Variants in FAM178B observed in about 807,000 individuals in gnomAD.
FAM178B encodes the protein family with sequence similarity 178 member B, also known as protein FAM178B.
FAM178B carries 82 observed loss-of-function variants against 91.7 expected under a neutral mutation model. That is an observed-to-expected ratio of 0.89 (90% CI 0.75 to 1.07). The LOEUF (loss-of-function observed/expected upper bound fraction) is 1.07, where lower values mean the gene tolerates loss of function less well. FAM178B is among the 50% of genes least tolerant of loss of function. FAM178B has a pLI of 0.00. For missense variants in FAM178B, 769 were observed against 846.7 expected, an observed-to-expected ratio of 0.91 and a Z score of 1.14; for synonymous variants, 368 against 359.4, an observed-to-expected ratio of 1.02 and a Z score of -0.27.
chr2:96,942,778 G>C (rs561212184), intron 8 of FAM178B, among the ~76,000 whole-genome samples: 3 of 152,278 alleles, frequency 2.0e-5, no homozygotes, highest in African/African-American at 7.2e-5. Flanking sequence ...AACAAATTTA[G>C]AGTACTAGCA....
intron 6 of FAM178B, among the ~76,000 whole-genome samples, chr2:96,959,205 A>G (rs2082046316): frequency 1.1e-5 from 1 of 93,768 alleles, no homozygotes; most frequent in African/African-American, 1.1e-4. Flanking sequence ...TTTTGAAAAA[A>G]AAAAAAAAAA....
chr2:96,919,401 C>T (rs558451050), intron 12 of FAM178B, among the ~76,000 whole-genome samples: 45 of 152,246 alleles, frequency 3.0e-4, no homozygotes, highest in Non-Finnish European at 5.3e-4. Context: ...ACAGAGCAGG[C>T]AGACTTTGGA....
At chr2:96,945,159 G>C (rs1212994929) in intron 8 of FAM178B, among the ~76,000 whole-genome samples, 1 of 152,192 alleles carries the variant, frequency 6.6e-6, no homozygotes, top group East Asian at 1.9e-4. Context: ...ACTGCAATGA[G>C]GCATGGCAAT....
At chr2:96,918,948 G>A (rs1007163896) in intron 12 of FAM178B, among the ~76,000 whole-genome samples, 7 of 152,086 alleles carry the variant, frequency 4.6e-5, no homozygotes, top group South Asian at 2.1e-4. Flanking sequence ...ACGTACCCAC[G>A]GCTTGCTCAA....
chr2:96,953,769 C>T (rs1339189350), intron 6 of FAM178B, among the ~76,000 whole-genome samples: 2 of 152,208 alleles, frequency 1.3e-5, no homozygotes, highest in Non-Finnish European at 2.9e-5. Context: ...GACGGGAGTG[C>T]TGCTTCTCCT....
intron 9 of FAM178B, among the ~76,000 whole-genome samples, chr2:96,928,981 C>T (rs557825899): frequency 2.0e-5 from 3 of 151,978 alleles, no homozygotes; most frequent in Non-Finnish European, 2.9e-5. Context: ...GAGACCCCCC[C>T]CCGCCACCTC....
intron 13 of FAM178B, among the ~76,000 whole-genome samples, chr2:96,901,529 C>G (rs757612505): frequency 6.6e-6 from 1 of 152,158 alleles, no homozygotes; most frequent in Non-Finnish European, 1.5e-5. Context: ...ACCCTGGGGA[C>G]TGAGGGGACA....
At chr2:96,958,488 G>C (rs1183991444) in intron 6 of FAM178B, among the ~76,000 whole-genome samples, 1 of 151,674 alleles carries the variant, frequency 6.6e-6, no homozygotes, top group Non-Finnish European at 1.5e-5. Context: ...TGGAGTTCAA[G>C]ACCAACCTGG....
rs1574266770 is a variant in FAM178B at position 96,931,234 on chromosome 2, C to T, written c.1079-1914G>A. Among the ~76,000 whole-genome samples the T allele has an allele frequency of 2.6e-5, 4 of 152,112 alleles. No homozygotes were observed. In the South Asian group the frequency reaches 8.3e-4, roughly 32 times the overall value. On this transcript the variant is annotated intron_variant, in intron 8 of 16. Transcript: ENST00000490605. ...ACCATTCTAGAGGGTGAGTGTCCCACCCTGAGGACCCACTTCAGCACACTC... is the reference window on the plus strand; with the variant it reads ...ACCATTCTAGAGGGTGAGTGTCCCATCCTGAGGACCCACTTCAGCACACTC...
intron 9 of FAM178B, among the ~76,000 whole-genome samples, chr2:96,925,013 C>T (rs1574257360): frequency 6.6e-6 from 1 of 152,048 alleles, no homozygotes; most frequent in Admixed American, 6.5e-5. Flanking sequence ...TGGGCTCAGT[C>T]CTTCTTCCAG....
intron 14 of FAM178B, 144 bp downstream of exon 14, chr2:96,893,782 G>T: frequency 9.9e-7 from 1 of 1,011,416 alleles, no homozygotes; most frequent in Non-Finnish European, 1.4e-6. Flanking sequence ...ACACAGGGAG[G>T]CAGCCTGTTG....
chr2:96,948,244 C>A (rs113454241), intron 7 of FAM178B, among the ~76,000 whole-genome samples: 128 of 152,356 alleles, frequency 8.4e-4, no homozygotes, highest in African/African-American at 2.7e-3. Context: ...TAGCCATGCC[C>A]CTCCAGGGCA....
chr2:96,889,647 C>G (rs909207040), intron 14 of FAM178B, among the ~76,000 whole-genome samples: 1 of 150,644 alleles, frequency 6.6e-6, no homozygotes, highest in Non-Finnish European at 1.5e-5. Context: ...CATTGCACTC[C>G]AGCCTGGGTG....
chr2:96,949,807 G>GCC (rs2081894175), intron 7 of FAM178B, among the ~76,000 whole-genome samples: 1 of 152,210 alleles, frequency 6.6e-6, no homozygotes. Context: ...GGACACCCAG[G>GCC]CCCAGAGCAG....
chr2:96,969,739 G>C (rs1199846096), intron 4 of FAM178B, among the ~76,000 whole-genome samples: 2 of 152,354 alleles, frequency 1.3e-5, no homozygotes, highest in Non-Finnish European at 2.9e-5. Context: ...TGAAGGAGCT[G>C]AACAACACAA....
In FAM178B at chr2:96,972,255, G is replaced by T. The variant is rs1428458733; in HGVS notation, c.210C>A (p.Pro70=). ...YNLEDGLSDH[P]LDQGPRCPAR... is the part of the protein sequence containing the mutation. ...CAGGGCAGCGGGGCCCCTGGTCCAG[G>T]GGATGGTCTGACAAGCCATCCTCCA... Residue 70 remains proline, a synonymous_variant, in exon 3 of 17, where the codon CCC becomes CCA. Coordinates refer to ENST00000490605, the MANE Select transcript of FAM178B (RefSeq NM_001122646.3). The T allele has an allele frequency of 1.3e-6, 2 of 1,505,694 alleles. No individual in the cohort carries two copies. Among genetic ancestry groups the T allele is most frequent in the Admixed American group, 2.3e-5 (1 of 42,944 alleles). The allele number at this position is 1,505,694 out of a possible 1,614,324, so 93.3% of individuals were successfully genotyped here. A position where few individuals can be genotyped will look rare whatever the true frequency, so the allele number is the denominator to read the frequency against.
At chr2:96,957,273 G>A (rs1796045) in intron 6 of FAM178B, among the ~76,000 whole-genome samples, 114,668 of 152,108 alleles carry the variant, frequency 0.75, 44,351 homozygotes, top group Middle Eastern at 0.83. Flanking sequence ...TGGCCTTGAA[G>A]TCCTTGGCAC....
chr2:96,900,000 TCTGACC>T, intron 13 of FAM178B, among the ~76,000 whole-genome samples: 1 of 151,648 alleles, frequency 6.6e-6, no homozygotes, highest in South Asian at 2.1e-4. Context: ...CCTCTGCCAC[TCTGACC>T]TCCACCAGGA....
intron 12 of FAM178B, among the ~76,000 whole-genome samples, chr2:96,918,338 T>C (rs1338694076): frequency 6.6e-6 from 1 of 152,008 alleles, no homozygotes; most frequent in Non-Finnish European, 1.5e-5. Context: ...GATAGGAAAG[T>C]GGGTAAGAAA....
Sources: allele counts gnomAD v4.1 joint callset (sites outside exome capture counted in the v4.1 genomes callset), GRCh38; gene constraint gnomAD v4.1.1; transcripts MANE v1.5; gene names NCBI Gene and HGNC (gene_info 2026-07-23, HGNC 2026-07-21).